EPHX1: variants seen among roughly 807,000 people sequenced by gnomAD.
The protein encoded by EPHX1 is epoxide hydratase.
Under a neutral mutation model 43.2 loss-of-function variants are expected in EPHX1, and 40 were observed. The ratio of observed to expected loss-of-function variants is 0.93; its 90% confidence interval spans 0.72 to 1.21. EPHX1 has a LOEUF of 1.21. EPHX1 is among the 50% of genes most tolerant of loss of function. The pLI is 0.00. For missense variants in EPHX1, 550 were observed against 570.4 expected (o/e 0.96, Z 0.36); for synonymous variants, 221 against 226.7 (o/e 0.98, Z 0.22).
In EPHX1 at chr1:225,817,490, TG is replaced by T. The variant is rs1384181418; in HGVS notation, c.-6+7325del. Reference sequence around the variant, plus strand: ...CTTCCCCAGGGAGGAGTGATGAGGCTGGGGTGCTGGGGAGGGCAGTATGGGG... The same window carrying T: ...CTTCCCCAGGGAGGAGTGATGAGGCTGGGTGCTGGGGAGGGCAGTATGGGG... On this transcript the variant is annotated intron_variant, in intron 1 of 8. Coordinates refer to ENST00000272167, the MANE Select transcript of EPHX1 (RefSeq NM_001136018.4). This position sits in a 1 kb window ranked among gnomAD's most constrained non-coding sequence, Gnocchi z 5.7. Among the ~76,000 whole-genome samples the T allele has an allele frequency of 6.6e-6, 1 of 152,118 alleles. No individual in the cohort carries two copies. The highest frequency in any genetic ancestry group is 1.9e-4 in the East Asian group (1 of 5,194).
intron 1 of EPHX1, among the ~76,000 whole-genome samples, chr1:225,828,065 G>A (rs1158578599): frequency 6.6e-6 from 1 of 152,204 alleles, no homozygotes; most frequent in Non-Finnish European, 1.5e-5. Flanking sequence ...ACATGAGGCT[G>A]TCGGGCGCCG....
At chr1:225,832,006 C>A in intron 3 of EPHX1, 47 bp downstream of exon 3, 1 of 1,583,086 alleles carries the variant, frequency 6.3e-7, no homozygotes, top group Non-Finnish European at 8.7e-7. Context: ...GTCATGAGAA[C>A]AGCCTTCTTC....
chr1:225,822,743 C>T (rs1346859734), intron 1 of EPHX1, among the ~76,000 whole-genome samples: 1 of 152,146 alleles, frequency 6.6e-6, no homozygotes, highest in Admixed American at 6.5e-5. Flanking sequence ...GGAGATTACC[C>T]CAGGGACATA....
chr1:225,824,683 G>A (rs192104284), intron 1 of EPHX1, among the ~76,000 whole-genome samples: 36 of 152,182 alleles, frequency 2.4e-4, no homozygotes, highest in Non-Finnish European at 4.0e-4. Context: ...CAAAGCAGAC[G>A]GGGGGGTGTG....
intron 1 of EPHX1, among the ~76,000 whole-genome samples, chr1:225,822,972 G>A (rs1038624170): frequency 2.0e-5 from 3 of 152,120 alleles, no homozygotes; most frequent in Admixed American, 2.0e-4. Flanking sequence ...GGCTCCTCTG[G>A]GGTCTGTTAC....
At chr1:225,824,127 A>T (rs555724890) in intron 1 of EPHX1, among the ~76,000 whole-genome samples, 3 of 151,852 alleles carry the variant, frequency 2.0e-5, no homozygotes, top group Non-Finnish European at 4.4e-5. Context: ...CATTGGTCAG[A>T]CTCTAAGACC....
At chr1:225,826,469 A>G (rs1016959742) in intron 1 of EPHX1, among the ~76,000 whole-genome samples, 6 of 149,522 alleles carry the variant, frequency 4.0e-5, no homozygotes, top group East Asian at 1.9e-4. Context: ...AAAAAAAAAA[A>G]GGGAAAGCAA....
At chr1:225,829,053 T>C in intron 2 of EPHX1, 141 bp downstream of exon 2, 1 of 1,048,684 alleles carries the variant, frequency 9.5e-7, no homozygotes, top group Non-Finnish European at 1.4e-6. Flanking sequence ...TTCAGTCTGC[T>C]TTTCCTCTGC....
At chr1:225,842,078 C>A (rs1038007234) in intron 6 of EPHX1, among the ~76,000 whole-genome samples, 4 of 152,250 alleles carry the variant, frequency 2.6e-5, no homozygotes, top group African/African-American at 9.6e-5. Flanking sequence ...GGGACCCCAC[C>A]AAATGCAGAG....
chr1:225,843,500 C>T (rs1668613789), intron 7 of EPHX1, among the ~76,000 whole-genome samples: 1 of 152,166 alleles, frequency 6.6e-6, no homozygotes, highest in African/African-American at 2.4e-5. Context: ...CTACATTCAG[C>T]AGGACACAGG....
chr1:225,842,424 C>T lies in EPHX1; in HGVS notation c.990C>T (p.Ser330=). The T allele has an allele frequency of 1.9e-6, 3 of 1,614,158 alleles. No homozygotes were observed. The highest frequency in any genetic ancestry group is 2.2e-5 in the South Asian group (2 of 91,086). Residue 330 remains serine (S), a synonymous_variant, in exon 7 of 9, where the codon TCC becomes TCT. Coordinates refer to ENST00000272167, the MANE Select transcript of EPHX1 (RefSeq NM_001136018.4). ...GLAAYILEKF[S]TWTNTEFRYL... ...CTGCCTATATTCTAGAGAAGTTTTCCACCTGGACCAATACGGAATTCCGAT... is the reference window on the plus strand; with the variant it reads ...CTGCCTATATTCTAGAGAAGTTTTCTACCTGGACCAATACGGAATTCCGAT...
At chr1:225,837,401 G>A (rs1026075910) in intron 3 of EPHX1, among the ~76,000 whole-genome samples, 2 of 152,232 alleles carry the variant, frequency 1.3e-5, no homozygotes, top group African/African-American at 4.8e-5. Context: ...GGAAGGGGCT[G>A]CCTTCTTTTG....
At chr1:225,815,564 T>C (rs1485511704) in intron 1 of EPHX1, among the ~76,000 whole-genome samples, 1 of 152,216 alleles carries the variant, frequency 6.6e-6, no homozygotes, top group East Asian at 1.9e-4. Context: ...AGATGGAACA[T>C]CTTAATTTCA....
intron 2 of EPHX1, 46 bp from the exon 3 acceptor site, chr1:225,831,733 T>C: frequency 6.3e-7 from 1 of 1,598,356 alleles, no homozygotes. Context: ...TCTTGTGCTC[T>C]GTCCTTCCCA....
intron 1 of EPHX1, among the ~76,000 whole-genome samples, chr1:225,816,719 C>T (rs1291135345): frequency 1.3e-5 from 2 of 152,214 alleles, no homozygotes; most frequent in Non-Finnish European, 2.9e-5. Flanking sequence ...GATGGGGCCA[C>T]GGAGGCCTGG....
chr1:225,813,678 T>G (rs1666588554), intron 1 of EPHX1, among the ~76,000 whole-genome samples: 1 of 152,204 alleles, frequency 6.6e-6, no homozygotes, highest in Non-Finnish European at 1.5e-5. Context: ...AAGCAGCCAT[T>G]TGACTGCCAC....
At chr1:225,839,749 C>T in intron 5 of EPHX1, 80 bp from the exon 6 acceptor site, 1 of 1,448,610 alleles carries the variant, frequency 6.9e-7, no homozygotes, top group Non-Finnish European at 9.7e-7. Context: ...AGCCCTGAGG[C>T]CTGTTCCTCC....
At chr1:225,835,853 T>A (rs952732184) in intron 3 of EPHX1, among the ~76,000 whole-genome samples, 2 of 152,102 alleles carry the variant, frequency 1.3e-5, no homozygotes, top group African/African-American at 4.8e-5. Context: ...CAGCTGACAT[T>A]GGGCATTTAT....
chr1:225,816,795 C>A (rs1190311271), intron 1 of EPHX1, among the ~76,000 whole-genome samples: 2 of 152,212 alleles, frequency 1.3e-5, no homozygotes, highest in Non-Finnish European at 2.9e-5. Flanking sequence ...GCAAAGCAGG[C>A]AGTGAGGGCC....
Sources: gnomAD v4.1 joint callset for allele counts (sites outside exome capture counted in the v4.1 genomes callset) on GRCh38, gnomAD v4.1.1 for gene constraint, Gnocchi (gnomAD v3.1) non-coding constraint, MANE v1.5 for transcripts, NCBI Gene and HGNC (gene_info 2026-07-23, HGNC 2026-07-21) for gene names.